Variants in PAPPA observed in about 807,000 individuals in gnomAD.
PAPPA encodes pappalysin-1.
In PAPPA, 60 loss-of-function variants were observed where a neutral mutation model predicts 164.0. The observed-to-expected ratio is 0.37, with a 90% confidence interval of 0.30 to 0.45. PAPPA has a LOEUF of 0.45. PAPPA is among the 20% of genes least tolerant of loss of function. The probability of loss-of-function intolerance (pLI) is 1.00; values close to 1 mark genes in which losing one functional copy is unlikely to be tolerated. For synonymous variants in PAPPA, 875 were observed against 814.1 expected (o/e 1.07, Z -1.27); for missense variants, 1,782 against 2,087.3 (o/e 0.85, Z 2.85).
chr9:116,370,882 A>G (rs971883023), intron 19 of PAPPA, among the ~76,000 whole-genome samples: 5 of 152,218 alleles, frequency 3.3e-5, no homozygotes, highest in Non-Finnish European at 2.9e-5. Context: ...GGTGCCTAGC[A>G]CACAGCAGGT....
chr9:116,156,288 G>GTATA (rs746026327), intron 1 of PAPPA, among the ~76,000 whole-genome samples: 2 of 141,798 alleles, frequency 1.4e-5, no homozygotes, highest in East Asian at 2.1e-4. Flanking sequence ...GTGTGTGTGT[G>GTATA]TATATATATA....
intron 1 of PAPPA, among the ~76,000 whole-genome samples, chr9:116,179,258 C>T (rs1843872735): frequency 6.6e-6 from 1 of 152,132 alleles, no homozygotes; most frequent in Admixed American, 6.6e-5. Context: ...TTTCAGATAA[C>T]AGTTCCTGGC....
At chr9:116,165,417 A>G (rs1021717822) in intron 1 of PAPPA, among the ~76,000 whole-genome samples, 20 of 152,172 alleles carry the variant, frequency 1.3e-4, no homozygotes, top group Admixed American at 1.0e-3. Context: ...TCTACATTAC[A>G]TCATCTACCA....
At chr9:116,209,999 A>G (rs1401964110) in intron 3 of PAPPA, among the ~76,000 whole-genome samples, 1 of 152,070 alleles carries the variant, frequency 6.6e-6, no homozygotes, top group Non-Finnish European at 1.5e-5. Flanking sequence ...ATCAAACCCA[A>G]TTTATTACAA....
At chr9:116,184,210 CA>C (rs1310037026) in intron 1 of PAPPA, among the ~76,000 whole-genome samples, 1 of 152,174 alleles carries the variant, frequency 6.6e-6, no homozygotes, top group East Asian at 1.9e-4. Context: ...GGTTCCATAA[CA>C]GGCAGCAACA....
intron 4 of PAPPA, among the ~76,000 whole-genome samples, chr9:116,215,332 A>T (rs1844356857): frequency 6.6e-6 from 1 of 152,206 alleles, no homozygotes; most frequent in Non-Finnish European, 1.5e-5. Flanking sequence ...TGAAGCACTT[A>T]GAACTGTTGT....
intron 17 of PAPPA, among the ~76,000 whole-genome samples, chr9:116,358,752 C>G (rs1846385092): frequency 6.6e-6 from 1 of 152,188 alleles, no homozygotes. Flanking sequence ...CTTCATCCCA[C>G]TGGGGTACAA....
intron 10 of PAPPA, chr9:116,318,134 T>TCCAGAGC (rs1845809801): frequency 6.6e-6 from 1 of 152,162 alleles, no homozygotes; most frequent in Non-Finnish European, 1.5e-5. Flanking sequence ...GTTCCTGCTC[T>TCCAGAGC]CCAGAGCCCA....
intron 6 of PAPPA, among the ~76,000 whole-genome samples, chr9:116,234,646 A>G (rs1172226756): frequency 6.6e-6 from 1 of 152,220 alleles, no homozygotes; most frequent in Non-Finnish European, 1.5e-5. Flanking sequence ...AGCAAAGAAT[A>G]CAGATTCCAA....
At chr9:116,355,149 C>A (rs983663218) in intron 17 of PAPPA, among the ~76,000 whole-genome samples, 1 of 152,084 alleles carries the variant, frequency 6.6e-6, no homozygotes, top group African/African-American at 2.4e-5. Flanking sequence ...ATTCCACATC[C>A]CCACACTAGG....
chr9:116,288,113 A>G (rs2118857374), intron 9 of PAPPA, among the ~76,000 whole-genome samples: 1 of 152,284 alleles, frequency 6.6e-6, no homozygotes, highest in African/African-American at 2.4e-5. Context: ...GCTTACACCT[A>G]TAATCCCAGC....
intron 10 of PAPPA, among the ~76,000 whole-genome samples, chr9:116,323,560 A>G (rs1845886031): frequency 6.6e-6 from 1 of 152,118 alleles, no homozygotes; most frequent in African/African-American, 2.4e-5. Context: ...AGAAAGAGAG[A>G]GAGAGAGAGA....
intron 17 of PAPPA, among the ~76,000 whole-genome samples, chr9:116,361,656 T>C (rs1408951099): frequency 6.6e-6 from 1 of 152,214 alleles, no homozygotes; most frequent in South Asian, 2.1e-4. Flanking sequence ...TTACTCTTCC[T>C]TGTGTACTCA....
At chr9:116,236,741 TG>T (rs11362441) in intron 7 of PAPPA, among the ~76,000 whole-genome samples, 75,793 of 151,920 alleles carry the variant, frequency 0.5, 20,002 homozygotes, top group Non-Finnish European at 0.6. Context: ...CTAAGGTCTT[TG>T]CATCTTTTAC....
intron 9 of PAPPA, among the ~76,000 whole-genome samples, chr9:116,302,436 G>A (rs1435233979): frequency 4.6e-5 from 7 of 151,376 alleles, no homozygotes; most frequent in Non-Finnish European, 7.4e-5. Context: ...ACTTCTATGA[G>A]CTTCCCTACT....
intron 4 of PAPPA, among the ~76,000 whole-genome samples, chr9:116,214,110 T>C (rs1039609201): frequency 2.1e-4 from 32 of 152,198 alleles, no homozygotes; most frequent in African/African-American, 7.5e-4. Context: ...AGTTTATATC[T>C]GTGTTGGCCA....
intron 15 of PAPPA, among the ~76,000 whole-genome samples, chr9:116,350,981 A>G (rs1354235087): frequency 6.6e-6 from 1 of 152,264 alleles, no homozygotes; most frequent in Non-Finnish European, 1.5e-5. Flanking sequence ...CATACTGACA[A>G]AGAAGAAAAA....
chr9:116,369,101 G>A (rs1410820651), intron 19 of PAPPA, among the ~76,000 whole-genome samples: 4 of 150,646 alleles, frequency 2.7e-5, no homozygotes, highest in South Asian at 2.1e-4. Context: ...CTTTCCTCTT[G>A]TTCTGTCTTC....
chr9:116,278,965 A>T (rs893398513), intron 9 of PAPPA, among the ~76,000 whole-genome samples: 6 of 152,204 alleles, frequency 3.9e-5, no homozygotes, highest in African/African-American at 1.4e-4. Flanking sequence ...GCCTATCTCA[A>T]TTGTGACTGA....
Sources: gnomAD v4.1 joint callset for allele counts (sites outside exome capture counted in the v4.1 genomes callset) on GRCh38, gnomAD v4.1.1 for gene constraint, MANE v1.5 for transcripts, NCBI Gene and HGNC (gene_info 2026-07-23, HGNC 2026-07-21) for gene names.